QARS1: variants seen among roughly 807,000 people sequenced by gnomAD.
QARS1 encodes the protein glutaminyl-tRNA synthetase 1, also known as glutamine--tRNA ligase.
QARS1 carries 79 observed loss-of-function variants against 106.9 expected under a neutral mutation model. That is an observed-to-expected ratio of 0.74 (90% CI 0.62 to 0.89). QARS1 has a LOEUF of 0.89. Among genes scored for constraint, QARS1 ranks in the 40% least tolerant of loss-of-function variants. QARS1 has a pLI of 0.00. For synonymous variants in QARS1, 395 were observed against 367.7 expected, an observed-to-expected ratio of 1.07 and a Z score of -0.85; for missense variants, 966 against 997.2, an observed-to-expected ratio of 0.97 and a Z score of 0.42.
intron 23 of QARS1, 89 bp downstream of exon 23, chr3:49,097,903 A>G: frequency 6.5e-7 from 1 of 1,537,068 alleles, no homozygotes; most frequent in Non-Finnish European, 8.9e-7. Flanking sequence ...GTGAGGATTA[A>G]CTAAGGGAAT....
rs777452461 is a variant in QARS1 at position 49,098,049 on chromosome 3, C to G, written c.2220G>C (p.Lys740Asn). 2 of 1,614,208 alleles carry G rather than the reference C, an allele frequency of 1.2e-6. No homozygotes were observed. The highest frequency in any genetic ancestry group is 1.1e-5 in the South Asian group (1 of 91,086). ...CSVALAKPFD[K>N]FQFERLGYFS... ...AATATCCAAGACGCTCAAACTGGAA[C>G]TTGTCGAAGGGTTTTGCCAGGGCCA... Residue 740 changes from lysine to asparagine, a missense_variant, in exon 23 of 24, where the codon AAG becomes AAC. Transcript: ENST00000306125.
In QARS1 at chr3:49,099,958, C is replaced by T. The variant is rs1186852762; in HGVS notation, c.1295+3G>A. 1 of 1,614,210 alleles carries T rather than the reference C, an allele frequency of 6.2e-7. No individual in the cohort carries two copies. Among genetic ancestry groups the T allele is most frequent in the Admixed American group, 1.7e-5 (1 of 60,024 alleles). On this transcript the variant is annotated splice_donor_region_variant and intron_variant, in intron 14 of 23. Coordinates refer to ENST00000306125, the MANE Select transcript of QARS1 (RefSeq NM_005051.3). ...CCACCACCCCACCCCATTCTACACC[C>T]ACCATTTGTCCCCTGTGCGGTGGTG... is the stretch of plus-strand genomic sequence containing the variant.
At chr3:49,103,593 A>C in intron 4 of QARS1, 38 bp downstream of exon 4, 2 of 1,603,008 alleles carry the variant, frequency 1.2e-6, no homozygotes, top group Non-Finnish European at 1.7e-6. Context: ...AGGCATGACC[A>C]GAGAGAACAA....
Position 49,104,749 on chromosome 3 carries a change from A to C in QARS1, c.-16T>G, listed in dbSNP as rs1398701200. ...GAGCCGCCATTGCAGAGACACCGGAAACTAAAAGAAACTTAGGCCCCAGTC... is the reference window on the plus strand; with the variant it reads ...GAGCCGCCATTGCAGAGACACCGGACACTAAAAGAAACTTAGGCCCCAGTC... On this transcript the variant is annotated 5_prime_UTR_variant, in exon 1 of 24. Coordinates refer to ENST00000306125, the MANE Select transcript of QARS1 (RefSeq NM_005051.3). The C allele has an allele frequency of 6.2e-7, 1 of 1,607,924 alleles. No homozygotes were observed. The highest frequency in any genetic ancestry group is 1.3e-5 in the African/African-American group (1 of 74,932).
At position 49,099,027 on chromosome 3, in the gene QARS1, C is replaced by T. The variant is rs1320556970; in HGVS notation, c.1759-38G>A. 2.5e-6 allele frequency: 4 copies of T among 1,612,516 alleles called. No individual in the cohort carries two copies. In the East Asian group the frequency reaches 8.9e-5, roughly 36 times the overall value. On this transcript the variant is annotated intron_variant, in intron 18 of 23. Transcript: ENST00000306125. ...ACAGGAGACAGGTATGAGTCATACT[C>T]AGCATTAGGACCCCCATGCCCAGAG...
rs751141012 is a variant in QARS1 at position 49,099,501 on chromosome 3, C to T, written c.1526+9G>A. ...ATTAACCTTTCATAAGCCAAACAGC[C>T]GCACCTACCGCACAGCACCAGTTGC... On this transcript the variant is annotated intron_variant, in intron 16 of 23. Transcript: ENST00000306125. The T allele has an allele frequency of 3.7e-6, 6 of 1,614,060 alleles. No individual in the cohort carries two copies. The highest frequency in any genetic ancestry group is 1.6e-4 in the Middle Eastern group (1 of 6,084).
intron 9 of QARS1, 55 bp downstream of exon 9, chr3:49,101,565 G>C: frequency 6.2e-7 from 1 of 1,600,518 alleles, no homozygotes; most frequent in South Asian, 1.1e-5. Context: ...ACGCAGCCCA[G>C]GCACTCAGGC....
rs566679757 is a variant in QARS1 at position 49,104,518 on chromosome 3, A to G, written c.118-47T>C. On this transcript the variant is annotated intron_variant, in intron 1 of 23. Transcript: ENST00000306125. ...GAGAAGCCCCGCGCTCAGTGAGAGG[A>G]AAGGGCGGGACAAACGGGGCAGGTC... 1.3e-4 allele frequency: 209 copies of G among 1,609,714 alleles called. 2 individuals are homozygous for G. In the South Asian group the frequency reaches 2.2e-3, roughly 17 times the overall value.
At position 49,103,683 on chromosome 3, in the gene QARS1, G is replaced by C. The variant is rs5030795; in HGVS notation, c.399C>G (p.His133Gln). The change falls in exon 4 of 24, where the codon CAC (histidine) becomes CAG (glutamine). Residue 133 changes from histidine to glutamine, a missense_variant. Coordinates refer to ENST00000306125, the MANE Select transcript of QARS1 (RefSeq NM_005051.3). ...AACGTTCCACCAGGAGCTGGGGCCGGTGCCTGTTAATAGCAGCCTCCACCT... is the reference window on the plus strand; with the variant it reads ...AACGTTCCACCAGGAGCTGGGGCCGCTGCCTGTTAATAGCAGCCTCCACCT... The part of the protein sequence containing the change: ...EEAVEAAINR[H>Q]RPQLLVERYH... The C allele has an allele frequency of 1.2e-6, 2 of 1,613,586 alleles. No homozygotes were observed. The highest frequency in any genetic ancestry group is 1.7e-4 in the Middle Eastern group (1 of 6,060).
At chr3:49,102,534 A>G in intron 5 of QARS1, 62 bp from the exon 6 acceptor site, 2 of 1,579,412 alleles carry the variant, frequency 1.3e-6, no homozygotes, top group South Asian at 2.2e-5. Flanking sequence ...CCCCTGACTG[A>G]TCCTACCCAC....
chr3:49,098,565 G>A (rs2042423121), intron 20 of QARS1, 35 bp downstream of exon 20: 2 of 1,609,154 alleles, frequency 1.2e-6, no homozygotes, highest in Non-Finnish European at 1.7e-6. Flanking sequence ...GGCCCCAGCA[G>A]GCACTGCAGT....
chr3:49,100,422 TAGTC>T lies in QARS1; in HGVS notation c.1009_1012del (p.Asp337IlefsTer67), dbSNP rs1186557939. On this transcript the variant is annotated frameshift_variant, in exon 12 of 24. Transcript: ENST00000306125. LOFTEE classifies it high-confidence loss of function. ...AGCCCACGCATATAGCTGGTCAAAA[TAGTC>T]AGACGCATATGTGACTTTGTAAGGT... The T allele has an allele frequency of 4.3e-6, 7 of 1,614,088 alleles. No individual in the cohort carries two copies. The highest frequency in any genetic ancestry group is 1.1e-5 in the South Asian group (1 of 91,090).
rs762312411 is a variant in QARS1 at position 49,096,041 on chromosome 3, T to C, written c.2316A>G (p.Pro772=). 6 of 1,613,956 alleles carry C rather than the reference T, an allele frequency of 3.7e-6. No individual in the cohort carries two copies. Among genetic ancestry groups the C allele is most frequent in the Non-Finnish European group, 5.1e-6 (6 of 1,179,954 alleles). Residue 772 remains proline (P), a synonymous_variant, in exon 24 of 24, where the codon CCA becomes CCG. Coordinates refer to ENST00000306125, the MANE Select transcript of QARS1 (RefSeq NM_005051.3). ...FNRTVTLKED[P]GKV is the part of the protein sequence containing the mutation. Reference sequence around the variant, plus strand: ...CAGTGCTTCCAGCTCACACCTTTCCTGGGTCTTCCTTCAGTGTGACAGTTC... The same window carrying C: ...CAGTGCTTCCAGCTCACACCTTTCCCGGGTCTTCCTTCAGTGTGACAGTTC...
Position 49,104,723 on chromosome 3 carries a change from A to G in QARS1, c.11T>C (p.Leu4Pro), listed in dbSNP as rs368809933. ...GCTAGTGAAGAGCGACAGGGAGTCT[A>G]GAGCCGCCATTGCAGAGACACCGGA... MAALDSLSLFTSLG... is the reference protein window; with the variant it reads MAAPDSLSLFTSLG... The change falls in exon 1 of 24, where the codon CTA (leucine) becomes CCA (proline). Residue 4 changes from leucine to proline, a missense_variant. Physicochemically the swap from Leu to Pro is moderately conservative, Grantham distance 98. Coordinates refer to ENST00000306125, the MANE Select transcript of QARS1 (RefSeq NM_005051.3). 2.5e-6 allele frequency: 4 copies of G among 1,612,776 alleles called. No individual in the cohort carries two copies. Among genetic ancestry groups the G allele is most frequent in the Non-Finnish European group, 8.5e-7 (1 of 1,179,302 alleles).
Position 49,098,103 on chromosome 3 carries a change from C to T in QARS1, c.2166G>A (p.Val722=), listed in dbSNP as rs752094317. Residue 722 remains valine (V), a synonymous_variant, in exon 23 of 24, where the codon GTG becomes GTA. Transcript: ENST00000306125. ...LSDLNLASLH[V]VDAALVDCSV... is the part of the protein sequence containing the mutation. ...AGCAGTCCACTAATGCTGCATCCAC[C>T]ACGTGTAGTGATGCCTGCAGGCAGG... 6.2e-7 allele frequency: 1 copy of T among 1,614,164 alleles called. No homozygotes were observed. The highest frequency in any genetic ancestry group is 1.7e-5 in the Admixed American group (1 of 60,018).
chr3:49,104,053 A>G, intron 2 of QARS1, 81 bp from the exon 3 acceptor site: 1 of 1,347,064 alleles, frequency 7.4e-7, no homozygotes, highest in Middle Eastern at 1.8e-4. Flanking sequence ...ATGAAACTCC[A>G]AGGATAGTCT....
In QARS1 at chr3:49,098,692, C is replaced by T. The variant is rs1401677250; in HGVS notation, c.1864G>A (p.Glu622Lys). 1.3e-6 allele frequency: 2 copies of T among 1,591,354 alleles called. No homozygotes were observed. Among genetic ancestry groups the T allele is most frequent in the Admixed American group, 1.8e-5 (1 of 55,574 alleles). Residue 622 changes from glutamate to lysine, a missense_variant and splice_region_variant, in exon 20 of 24, where the codon GAG (glutamate) becomes AAG (lysine). Transcript: ENST00000306125. ...VFIERTDFKEEPEPGFKRLAW... is the reference protein window; with the variant it reads ...VFIERTDFKEKPEPGFKRLAW... Reference sequence around the variant, plus strand: ...AGGCGCTTAAATCCTGGCTCTGGCTCCTAGAGATAGGAAGTGGGGTAGACA... The same window carrying T: ...AGGCGCTTAAATCCTGGCTCTGGCTTCTAGAGATAGGAAGTGGGGTAGACA...
At position 49,100,475 on chromosome 3, in the gene QARS1, CA is replaced by C. The variant is rs750040700; in HGVS notation, c.977-18del. The C allele has an allele frequency of 3.7e-6, 6 of 1,613,270 alleles. No homozygotes were observed. The highest frequency in any genetic ancestry group is 5.1e-6 in the Non-Finnish European group (6 of 1,179,194). On this transcript the variant is annotated intron_variant, in intron 11 of 23. Transcript: ENST00000306125. The stretch of plus-strand genomic sequence containing the variant: ...GTGTGTAGCCTGGGGCAAAATGAAA[CA>C]AAGTATGAGCAGCCAGCCACAAACA...
intron 2 of QARS1, 106 bp downstream of exon 2, chr3:49,104,218 A>C: frequency 1.3e-6 from 2 of 1,497,706 alleles, no homozygotes. Flanking sequence ...CCTGTGCAGA[A>C]CTAGGTGTCT....
Sources: gnomAD v4.1 joint callset for allele counts on GRCh38, gnomAD v4.1.1 for gene constraint, MANE v1.5 for transcripts, NCBI Gene and HGNC (gene_info 2026-07-23, HGNC 2026-07-21) for gene names.